Variants in SDCBP2 observed in about 807,000 individuals in gnomAD.
The protein encoded by SDCBP2 is syndecan binding protein 2.
In SDCBP2, 28 loss-of-function variants were observed where a neutral mutation model predicts 30.7. That is an observed-to-expected ratio of 0.91 (90% confidence interval 0.68 to 1.25). SDCBP2 has a LOEUF of 1.25. SDCBP2 is among the 50% of genes most tolerant of loss of function. SDCBP2 has a pLI of 0.00. For missense variants in SDCBP2, 399 were observed against 379.0 expected, an observed-to-expected ratio of 1.05 and a Z score of -0.44; for synonymous variants, 166 against 157.3, an observed-to-expected ratio of 1.06 and a Z score of -0.41.
At position 1,318,508 on chromosome 20, in the gene SDCBP2, A is replaced by G. The variant is rs1434029929; in HGVS notation, c.125-90T>C. 5.4e-6 allele frequency: 4 copies of G among 747,248 alleles called. No homozygotes were observed. The East Asian group carries it at 1.0e-4, about 19-fold the overall frequency. The allele number at this position is 747,248 out of a possible 1,614,324, so 46.3% of individuals were successfully genotyped here. On this transcript the variant is annotated intron_variant, in intron 3 of 8. Coordinates refer to ENST00000360779, the MANE Select transcript of SDCBP2 (RefSeq NM_080489.5). ...GGCTCCCCTGTGGCTGCTCATTTTT[A>G]TTAAGAAATGGAGCCTGGGAATGGT...
chr20:1,314,144 T>C (rs574107924), intron 4 of SDCBP2, among the ~76,000 whole-genome samples: 5 of 152,278 alleles, frequency 3.3e-5, no homozygotes, highest in African/African-American at 1.2e-4. Flanking sequence ...CACACAAGAT[T>C]CAATTGTACT....
chr20:1,312,603 C>T lies in SDCBP2; in HGVS notation c.544G>A (p.Val182Met), dbSNP rs2273959. The T allele has an allele frequency of 0.45, 733,549 of 1,613,434 alleles. 173,010 individuals carry two copies. The highest frequency in any genetic ancestry group is 0.49 in the Non-Finnish European group (581,067 of 1,179,614). Residue 182 changes from valine (V) to methionine (M), a missense_variant, in exon 6 of 9, where the codon GTG (valine) becomes ATG (methionine). Physicochemically the swap from Val to Met is conservative, Grantham distance 21. Transcript: ENST00000360779. ...GCTACTCACCTGTCCCGAACCACCACGACAATCTTATCGCCTGATGCCTTC... is the reference window on the plus strand; with the variant it reads ...GCTACTCACCTGTCCCGAACCACCATGACAATCTTATCGCCTGATGCCTTC... ...VKKASGDKIVVVVRDRPFQRT... is the reference protein window; with the variant it reads ...VKKASGDKIVMVVRDRPFQRT...
intron 3 of SDCBP2, 61 bp from the exon 4 acceptor site, chr20:1,318,479 G>C: frequency 9.6e-7 from 1 of 1,037,306 alleles, no homozygotes; most frequent in Non-Finnish European, 1.4e-6. Flanking sequence ...CCCTATGCCT[G>C]CCTGGCTCCC....
In SDCBP2 at chr20:1,313,722, A is replaced by C. The variant is rs2122509901; in HGVS notation, c.226-224T>G. 8.0e-7 allele frequency: 1 copy of C among 1,251,272 alleles called. No homozygotes were observed. Among genetic ancestry groups the C allele is most frequent in the Non-Finnish European group, 1.0e-6 (1 of 969,692 alleles). 77.5% of individuals were successfully genotyped at this position (1,251,272 alleles called of 1,614,324 possible). ...CCCTTAAAAAGCCAGGAAAACGGGGAGGGAAGGGGCGAGGATACAGGAAGA... is the reference window on the plus strand; with the variant it reads ...CCCTTAAAAAGCCAGGAAAACGGGGCGGGAAGGGGCGAGGATACAGGAAGA... On this transcript the variant is annotated intron_variant, in intron 4 of 8. Coordinates refer to ENST00000360779, the MANE Select transcript of SDCBP2 (RefSeq NM_080489.5). The surrounding 1 kb of genome is among the most constrained non-coding windows in gnomAD (Gnocchi z 5.2).
At chr20:1,328,137 A>T (rs2088957368) in intron 1 of SDCBP2, among the ~76,000 whole-genome samples, 1 of 152,166 alleles carries the variant, frequency 6.6e-6, no homozygotes, top group Non-Finnish European at 1.5e-5. Context: ...TTTAGAGGAC[A>T]TCTGCCAGTG....
chr20:1,321,614 C>T lies in SDCBP2; in HGVS notation c.-19-1179G>A, dbSNP rs2088851433. On this transcript the variant is annotated intron_variant, in intron 1 of 8. Transcript: ENST00000360779. The surrounding 1 kb of genome is among the most constrained non-coding windows in gnomAD (Gnocchi z 5.2). ...CTCTCCAGACAGCAGCCACCAGGCCCTTTGTGTACACACTTGGGATGTCAT... is the reference window on the plus strand; with the variant it reads ...CTCTCCAGACAGCAGCCACCAGGCCTTTTGTGTACACACTTGGGATGTCAT... 1 of 152,544 alleles carries T rather than the reference C, an allele frequency of 6.6e-6. No individual in the cohort carries two copies. The highest frequency in any genetic ancestry group is 6.5e-5 in the Admixed American group (1 of 15,288). The allele number at this position is 152,544 out of a possible 1,614,324, so 9.4% of individuals were successfully genotyped here. A position where few individuals can be genotyped will look rare whatever the true frequency, so the allele number is the denominator to read the frequency against.
At chr20:1,315,647 G>A (rs1003178932) in intron 4 of SDCBP2, among the ~76,000 whole-genome samples, 3 of 151,996 alleles carry the variant, frequency 2.0e-5, no homozygotes, top group Admixed American at 1.3e-4. Context: ...AATCATAAAC[G>A]TAAACGCAAA....
At chr20:1,315,705 C>T (rs570844772) in intron 4 of SDCBP2, among the ~76,000 whole-genome samples, 3 of 151,964 alleles carry the variant, frequency 2.0e-5, no homozygotes, top group South Asian at 2.1e-4. Flanking sequence ...GAAAATCTTT[C>T]GGACTTAGGG....
chr20:1,312,428 G>C lies in SDCBP2; in HGVS notation c.641C>G (p.Ser214Cys), dbSNP rs149995502. 3 of 1,614,052 alleles carry C rather than the reference G, an allele frequency of 1.9e-6. No homozygotes were observed. The highest frequency in any genetic ancestry group is 2.2e-5 in the East Asian group (1 of 44,876). Reference protein sequence around the residue: ...GFVIKKGKIVSLVKGSSAARN... With the variant: ...GFVIKKGKIVCLVKGSSAARN... ...GGCCGCAGAACTCCCTTTGACCAGA[G>C]AGACAATCTTCCCCTTCTTGATCAC... Residue 214 changes from serine (S) to cysteine (C), a missense_variant, in exon 7 of 9, where the codon TCT (serine) becomes TGT (cysteine). Coordinates refer to ENST00000360779, the MANE Select transcript of SDCBP2 (RefSeq NM_080489.5).
In SDCBP2 at chr20:1,313,490, G is replaced by C; in HGVS notation, c.234C>G (p.Val78=). 6.3e-7 allele frequency: 1 copy of C among 1,589,360 alleles called. No homozygotes were observed. Among genetic ancestry groups the C allele is most frequent in the South Asian group, 1.1e-5 (1 of 88,344 alleles). The change falls in exon 5 of 9, where the codon GTC becomes GTG. Residue 78 remains valine (V), a synonymous_variant. Transcript: ENST00000360779. The surrounding 1 kb of genome is among the most constrained non-coding windows in gnomAD (Gnocchi z 5.2). ...CCATCTGGCCGGGCCCGGGGCCCGA[G>C]ACCGCTGTCTGCAGACACCAGGGGG... ...LQIPEGDSTA[V]SGPGPGQMVA...
chr20:1,318,583 G>A (rs1318880096), intron 3 of SDCBP2, among the ~76,000 whole-genome samples, 165 bp from the exon 4 acceptor site: 1 of 152,140 alleles, frequency 6.6e-6, no homozygotes, highest in Non-Finnish European at 1.5e-5. Context: ...ACTGATGAGC[G>A]CTCCTCAGAG....
At chr20:1,318,139 C>T in intron 4 of SDCBP2, 179 bp downstream of exon 4, 1 of 643,026 alleles carries the variant, frequency 1.6e-6, no homozygotes. Context: ...TGAAAGCCCA[C>T]AGTGGTTTTC....
chr20:1,328,589 C>T (rs2088966985), intron 1 of SDCBP2, among the ~76,000 whole-genome samples: 1 of 152,192 alleles, frequency 6.6e-6, no homozygotes, highest in African/African-American at 2.4e-5. Context: ...TTTCAGTCTC[C>T]AGATGAAGAA....
Position 1,320,386 on chromosome 20 carries a change from G to C in SDCBP2, c.31C>G (p.Leu11Val). ...ACCTGAATGGCTTGGTCCACTTTTA[G>C]GTCCTCTAGAGATGGGTACAGGGAT... is the stretch of plus-strand genomic sequence containing the variant. MSSLYPSLED[L>V]KVDQAIQAQV... The change falls in exon 2 of 9, where the codon CTA becomes GTA. Residue 11 changes from leucine to valine, a missense_variant. Coordinates refer to ENST00000360779, the MANE Select transcript of SDCBP2 (RefSeq NM_080489.5). The surrounding 1 kb of genome is among the most constrained non-coding windows in gnomAD (Gnocchi z 4.7). 2 of 1,613,670 alleles carry C rather than the reference G, an allele frequency of 1.2e-6. No homozygotes were observed. The highest frequency in any genetic ancestry group is 2.2e-5 in the South Asian group (2 of 91,078).
At position 1,320,284 on chromosome 20, in the gene SDCBP2, C is replaced by T. The variant is rs2088834534; in HGVS notation, c.54+79G>A. ...GAGGCCTACGGGAATCTCCAAGTGG[C>T]CCCAGTACCCAGCACCTTCCAGGGT... On this transcript the variant is annotated intron_variant, in intron 2 of 8. Coordinates refer to ENST00000360779, the MANE Select transcript of SDCBP2 (RefSeq NM_080489.5). The surrounding 1 kb of genome is among the most constrained non-coding windows in gnomAD (Gnocchi z 4.7). 1.5e-6 allele frequency: 2 copies of T among 1,353,748 alleles called. No individual in the cohort carries two copies. The highest frequency in any genetic ancestry group is 1.9e-5 in the Admixed American group (1 of 53,662). The allele number at this position is 1,353,748 out of a possible 1,614,324, so 83.9% of individuals were successfully genotyped here.
At position 1,312,615 on chromosome 20, in the gene SDCBP2, C is replaced by CA; in HGVS notation, c.531_532insT (p.Asp178Ter). ...TCCCGAACCACCACGACAATCTTAT[C>CA]GCCTGATGCCTTCTTCACCACCTGA... On this transcript the variant is annotated frameshift_variant, in exon 6 of 9. Coordinates refer to ENST00000360779, the MANE Select transcript of SDCBP2 (RefSeq NM_080489.5). LOFTEE classifies it high-confidence loss of function. The CA allele has an allele frequency of 6.2e-7, 1 of 1,614,102 alleles. No homozygotes were observed. The highest frequency in any genetic ancestry group is 8.5e-7 in the Non-Finnish European group (1 of 1,179,982).
intron 1 of SDCBP2, among the ~76,000 whole-genome samples, chr20:1,327,604 C>T (rs947112749): frequency 1.3e-5 from 2 of 152,252 alleles, no homozygotes; most frequent in Non-Finnish European, 2.9e-5. Context: ...CAGGCCCAGG[C>T]AGGGCAGGGT....
chr20:1,322,961 A>G (rs1308498338), intron 1 of SDCBP2: 1 of 152,026 alleles, frequency 6.6e-6, no homozygotes, highest in Non-Finnish European at 1.5e-5. Context: ...AAAAATATAA[A>G]CATTTGGCAA....
intron 3 of SDCBP2, among the ~76,000 whole-genome samples, chr20:1,319,073 G>A (rs2088818491): frequency 6.6e-6 from 1 of 152,156 alleles, no homozygotes; most frequent in Non-Finnish European, 1.5e-5. Flanking sequence ...TCTTTGAGCC[G>A]CTATCTGCCG....
Sources: gnomAD v4.1 joint callset for allele counts (sites outside exome capture counted in the v4.1 genomes callset) on GRCh38, gnomAD v4.1.1 for gene constraint, Gnocchi (gnomAD v3.1) non-coding constraint, MANE v1.5 for transcripts, NCBI Gene and HGNC (gene_info 2026-07-23, HGNC 2026-07-21) for gene names.